PCDH15: variants seen among roughly 807,000 people sequenced by gnomAD.
PCDH15 encodes the protein protocadherin related 15.
PCDH15 carries 129 observed loss-of-function variants against 178.5 expected under a neutral mutation model. That is an observed-to-expected ratio of 0.72 (90% CI 0.63 to 0.84). PCDH15 has a LOEUF of 0.84. PCDH15 is among the 40% of genes least tolerant of loss of function. The pLI is 0.00. For missense variants in PCDH15, 2,230 were observed against 2,099.9 expected, an observed-to-expected ratio of 1.06 and a Z score of -1.21; for synonymous variants, 800 against 732.0, an observed-to-expected ratio of 1.09 and a Z score of -1.50.
chr10:54,244,603 A>C (rs2055734857), intron 8 of PCDH15, among the ~76,000 whole-genome samples: 1 of 152,218 alleles, frequency 6.6e-6, no homozygotes, highest in African/African-American at 2.4e-5. Flanking sequence ...GAGAATATGC[A>C]TTTCACAGAT....
intron 1 of PCDH15, among the ~76,000 whole-genome samples, chr10:54,677,700 G>A (rs2094816663): frequency 6.6e-6 from 1 of 152,058 alleles, no homozygotes; most frequent in Non-Finnish European, 1.5e-5. Flanking sequence ...CAATTTTTTA[G>A]GTAACATTGA....
chr10:54,888,111 C>A (rs1276055694), intron 3 of PCDH15, among the ~76,000 whole-genome samples: 1 of 152,058 alleles, frequency 6.6e-6, no homozygotes, highest in South Asian at 2.1e-4. Flanking sequence ...AAACATGAAA[C>A]AACCATTACA....
At position 54,277,018 on chromosome 10, in the gene PCDH15, T is replaced by C. The variant is rs571019404; in HGVS notation, c.877-40087A>G. 6.1e-4 allele frequency among the ~76,000 whole-genome samples: 92 copies of C among 151,712 alleles called. 2 individuals carry two copies. Among genetic ancestry groups the C allele is most frequent in the African/African-American group, 2.1e-3 (88 of 41,488 alleles). Reference sequence around the variant, plus strand: ...TTTAAAATGATCTGACTCACAAACTTAAGAGCTGGTGGAAATTCAGCACGT... The same window carrying C: ...TTTAAAATGATCTGACTCACAAACTCAAGAGCTGGTGGAAATTCAGCACGT... On this transcript the variant is annotated intron_variant, in intron 8 of 37. Coordinates refer to ENST00000644397, the MANE Select transcript of PCDH15 (RefSeq NM_001384140.1).
At chr10:55,469,300 T>G (rs1483863850) in intron 2 of PCDH15, 2 of 152,144 alleles carry the variant, frequency 1.3e-5, no homozygotes, top group African/African-American at 2.4e-5. Context: ...AATATATTTA[T>G]AGCTTTTTGT....
At chr10:54,426,661 A>ATT (rs199628309) in intron 3 of PCDH15, among the ~76,000 whole-genome samples, 14 of 150,792 alleles carry the variant, frequency 9.3e-5, no homozygotes, top group East Asian at 3.9e-4. Flanking sequence ...TGAAAATTAG[A>ATT]TTTTTTTTTT....
intron 8 of PCDH15, among the ~76,000 whole-genome samples, chr10:54,268,287 A>G (rs908689968): frequency 1.3e-5 from 2 of 151,942 alleles, no homozygotes; most frequent in Admixed American, 6.6e-5. Context: ...CAAGATTGAT[A>G]AAAGACTTAA....
intron 18 of PCDH15, among the ~76,000 whole-genome samples, chr10:54,025,581 C>A (rs536018883): frequency 5.9e-5 from 9 of 151,700 alleles, no homozygotes; most frequent in Non-Finnish European, 1.3e-4. Flanking sequence ...TCACTGCAAC[C>A]TCCGCCTTCT....
intron 20 of PCDH15, among the ~76,000 whole-genome samples, chr10:53,995,979 G>A (rs529376136): frequency 4.9e-4 from 75 of 152,120 alleles, no homozygotes; most frequent in African/African-American, 1.5e-3. Flanking sequence ...ACTGAAGGCC[G>A]TTCCACTGGA....
chr10:53,852,138 T>C (rs546553827), intron 28 of PCDH15, among the ~76,000 whole-genome samples: 2 of 152,204 alleles, frequency 1.3e-5, no homozygotes, highest in Admixed American at 6.6e-5. Flanking sequence ...TTGAGTTTCA[T>C]GGTGAACTGG....
intron 8 of PCDH15, among the ~76,000 whole-genome samples, chr10:54,241,450 G>A (rs1300125527): frequency 2.0e-5 from 3 of 152,096 alleles, no homozygotes; most frequent in Admixed American, 1.3e-4. Flanking sequence ...TGGTCTGTGG[G>A]CAGAAATTAT....
At chr10:54,767,893 G>A (rs949974240) in intron 1 of PCDH15, among the ~76,000 whole-genome samples, 9 of 152,016 alleles carry the variant, frequency 5.9e-5, no homozygotes, top group Non-Finnish European at 1.2e-4. Context: ...TGCCACCTTG[G>A]TATAGATAGA....
chr10:53,911,217 C>A (rs1351341524), intron 25 of PCDH15, among the ~76,000 whole-genome samples: 1 of 152,118 alleles, frequency 6.6e-6, no homozygotes, highest in Non-Finnish European at 1.5e-5. Context: ...AAGTAAAGCA[C>A]CCCTCAGCAA....
At chr10:53,891,784 C>A (rs1282354636) in intron 26 of PCDH15, among the ~76,000 whole-genome samples, 1 of 134,988 alleles carries the variant, frequency 7.4e-6, no homozygotes, top group Non-Finnish European at 1.6e-5. Context: ...GAAACCCTGT[C>A]TTTACTAAAA....
chr10:55,489,069 A>C (rs990086245), intron 2 of PCDH15, among the ~76,000 whole-genome samples: 2 of 151,522 alleles, frequency 1.3e-5, no homozygotes, highest in Non-Finnish European at 3.0e-5. Flanking sequence ...TTTTCCATAT[A>C]CTCAACTCAA....
At position 55,070,524 on chromosome 10, in the gene PCDH15, T is replaced by A. The variant is rs1358179650; in HGVS notation, c.-80+96052A>T. ...CTAGCCAGTTTTCCCAGCACCATTT[T>A]TTAAATAGGGAATCCTTTCCCCATT... is the stretch of plus-strand genomic sequence containing the variant. On this transcript the variant is annotated intron_variant, in intron 2 of 5. Coordinates refer to the PCDH15 transcript ENST00000458638. Among the ~76,000 whole-genome samples the A allele has an allele frequency of 1.1e-4, 17 of 152,228 alleles. No individual in the cohort carries two copies. The South Asian group carries it at 2.1e-3, about 19-fold the overall frequency.
chr10:54,786,425 T>A (rs1174163365), intron 1 of PCDH15, among the ~76,000 whole-genome samples: 1 of 151,974 alleles, frequency 6.6e-6, no homozygotes, highest in Non-Finnish European at 1.5e-5. Context: ...ATAGACACAA[T>A]AGTCCCAAAA....
intron 2 of PCDH15, among the ~76,000 whole-genome samples, chr10:55,354,779 C>T (rs574455477): frequency 4.6e-5 from 7 of 151,856 alleles, no homozygotes; most frequent in South Asian, 2.1e-4. Context: ...AATATTTTTG[C>T]GGAATGTACA....
chr10:54,240,762 G>T lies in PCDH15; in HGVS notation c.877-3831C>A, dbSNP rs1026978603. Among the ~76,000 whole-genome samples the T allele has an allele frequency of 2.7e-5, 4 of 150,208 alleles. No homozygotes were observed. In the Admixed American group the frequency reaches 2.7e-4, roughly 10 times the overall value. ...TTCTCCTGCCTCAGCCTCCCGAGTAGCTGGGACTACAGGCGCCCGCCACCA... is the reference window on the plus strand; with the variant it reads ...TTCTCCTGCCTCAGCCTCCCGAGTATCTGGGACTACAGGCGCCCGCCACCA... On this transcript the variant is annotated intron_variant, in intron 8 of 37. Transcript: ENST00000644397.
At chr10:55,549,713 G>A (rs114689430) in intron 2 of PCDH15, among the ~76,000 whole-genome samples, 174 of 152,278 alleles carry the variant, frequency 1.1e-3, no homozygotes, top group African/African-American at 4.0e-3. Flanking sequence ...GACATAGGAA[G>A]AGAACATGTT....
Sources: allele counts gnomAD v4.1 joint callset (sites outside exome capture counted in the v4.1 genomes callset), GRCh38; gene constraint gnomAD v4.1.1; transcripts MANE v1.5; gene names NCBI Gene and HGNC (gene_info 2026-07-23, HGNC 2026-07-21).